Variants in CYP2J2 observed in about 807,000 individuals in gnomAD.
CYP2J2 encodes cytochrome P450 2J2.
In CYP2J2, 41 loss-of-function variants were observed where a neutral mutation model predicts 48.8. The ratio of observed to expected loss-of-function variants is 0.84; its 90% CI spans 0.66 to 1.09. The LOEUF is 1.09. Among genes scored for constraint, CYP2J2 ranks in the 50% least tolerant of loss-of-function variants. CYP2J2 has a pLI of 0.00. For missense variants in CYP2J2, 644 were observed against 617.3 expected, an observed-to-expected ratio of 1.04 and a Z score of -0.46; for synonymous variants, 221 against 227.1, an observed-to-expected ratio of 0.97 and a Z score of 0.24.
intron 8 of CYP2J2, among the ~76,000 whole-genome samples, chr1:59,894,677 G>A (rs1015508538): frequency 6.6e-6 from 1 of 152,202 alleles, no homozygotes; most frequent in Non-Finnish European, 1.5e-5. Context: ...TATATATTGT[G>A]TGAGCTACAT....
At chr1:59,916,206 T>C (rs1277155412) in intron 1 of CYP2J2, 106 bp from the exon 2 acceptor site, 18 of 892,858 alleles carry the variant, frequency 2.0e-5, no homozygotes, top group Non-Finnish European at 2.9e-5. Context: ...AGTGCGTGTG[T>C]CTGTGTCTGT....
chr1:59,934,583 G>C, the CYP2J2 span, among the ~76,000 whole-genome samples: 1 of 152,162 alleles, frequency 6.6e-6, no homozygotes, highest in African/African-American at 2.4e-5. Context: ...ACATACAAGT[G>C]GGTGAACAGG....
the CYP2J2 span, among the ~76,000 whole-genome samples, chr1:59,964,626 C>T: frequency 6.6e-6 from 1 of 152,168 alleles, no homozygotes; most frequent in Non-Finnish European, 1.5e-5. Context: ...GGACAAATGT[C>T]CACTGCAGTC....
chr1:59,941,143 T>A, the CYP2J2 span, among the ~76,000 whole-genome samples: 1 of 152,236 alleles, frequency 6.6e-6, no homozygotes, highest in Non-Finnish European at 1.5e-5. Context: ...TAACACACCT[T>A]TTCCTGATTT....
chr1:59,893,721 C>T lies in CYP2J2; in HGVS notation c.1439G>A (p.Ser480Asn). 6.2e-7 allele frequency: 1 copy of T among 1,613,374 alleles called. No individual in the cohort carries two copies. The highest frequency in any genetic ancestry group is 8.5e-7 in the Non-Finnish European group (1 of 1,179,690). Residue 480 changes from serine (S) to asparagine (N), a missense_variant, in exon 9 of 9, where the codon AGC becomes AAC. Physicochemically the swap from Ser to Asn is conservative, Grantham distance 46 (BLOSUM62 1). Transcript: ENST00000371204. ...GGTGATACCCATTCTAAACTTCAGG[C>T]TCAGCTTCTCATTGTTTGGGGGCCT... ...TFRPPNNEKLSLKFRMGITIS... is the reference protein window; with the variant it reads ...TFRPPNNEKLNLKFRMGITIS...
chr1:59,945,247 G>C, the CYP2J2 span, among the ~76,000 whole-genome samples: 10 of 151,916 alleles, frequency 6.6e-5, no homozygotes, highest in East Asian at 1.4e-3. Context: ...TAATATTTTT[G>C]GCCCATCTGA....
chr1:59,932,154 G>C, the CYP2J2 span, among the ~76,000 whole-genome samples: 1 of 152,060 alleles, frequency 6.6e-6, no homozygotes, highest in Non-Finnish European at 1.5e-5. Flanking sequence ...TGTGTGAAAA[G>C]TATTCTGAGG....
intron 8 of CYP2J2, among the ~76,000 whole-genome samples, chr1:59,899,841 A>G (rs1322930663): frequency 6.6e-6 from 1 of 152,228 alleles, no homozygotes; most frequent in Non-Finnish European, 1.5e-5. Flanking sequence ...ATTCATTGTC[A>G]TATCACCAGG....
At chr1:59,968,709 C>A in the CYP2J2 span, among the ~76,000 whole-genome samples, 1 of 152,184 alleles carries the variant, frequency 6.6e-6, no homozygotes, top group African/African-American at 2.4e-5. Flanking sequence ...GAGGGGGGAC[C>A]AACCAGCACA....
At chr1:59,951,901 T>G in the CYP2J2 span, among the ~76,000 whole-genome samples, 1 of 152,136 alleles carries the variant, frequency 6.6e-6, no homozygotes, top group African/African-American at 2.4e-5. Context: ...GAGCAGCGCT[T>G]TTAATCAAAT....
At chr1:59,925,472 T>C (rs1237055071) in intron 1 of CYP2J2, among the ~76,000 whole-genome samples, 1 of 152,182 alleles carries the variant, frequency 6.6e-6, no homozygotes, top group Non-Finnish European at 1.5e-5. Flanking sequence ...AAATTGTACA[T>C]AGTATGATGT....
At chr1:59,924,269 T>C (rs1360492480) in intron 1 of CYP2J2, among the ~76,000 whole-genome samples, 1 of 152,158 alleles carries the variant, frequency 6.6e-6, no homozygotes, top group African/African-American at 2.4e-5. Flanking sequence ...CTAAGAGAAT[T>C]TCTTGCCAGT....
intron 2 of CYP2J2, among the ~76,000 whole-genome samples, chr1:59,915,206 C>T (rs186710615): frequency 1.5e-4 from 23 of 152,314 alleles, no homozygotes; most frequent in African/African-American, 5.5e-4. Context: ...TGAGGGAAGT[C>T]AGAGACCGGT....
the CYP2J2 span, among the ~76,000 whole-genome samples, chr1:59,947,764 G>T: frequency 6.6e-6 from 1 of 151,992 alleles, no homozygotes; most frequent in Non-Finnish European, 1.5e-5. Context: ...TCCCATCCTT[G>T]GCTCCATCTA....
intron 2 of CYP2J2, among the ~76,000 whole-genome samples, chr1:59,913,784 T>C (rs1440243701): frequency 6.6e-6 from 1 of 152,250 alleles, no homozygotes; most frequent in Non-Finnish European, 1.5e-5. Context: ...ATTCTCTGAA[T>C]GGCAGCCTAA....
At chr1:59,902,941 G>A (rs558624816) in intron 7 of CYP2J2, among the ~76,000 whole-genome samples, 27 of 152,302 alleles carry the variant, frequency 1.8e-4, no homozygotes, top group East Asian at 1.9e-4. Flanking sequence ...GTCATAGCTC[G>A]TAGACTGTGT....
chr1:59,908,106 T>C (rs1230815487), intron 5 of CYP2J2, among the ~76,000 whole-genome samples, 179 bp from the exon 6 acceptor site: 2 of 152,196 alleles, frequency 1.3e-5, no homozygotes, highest in East Asian at 3.8e-4. Flanking sequence ...ATTAGCATTG[T>C]CCTGCCCCAA....
chr1:59,905,524 T>C (rs1337050501), intron 6 of CYP2J2, among the ~76,000 whole-genome samples: 2 of 152,160 alleles, frequency 1.3e-5, no homozygotes, highest in Non-Finnish European at 2.9e-5. Flanking sequence ...TGGGCTGGGG[T>C]GGGCCCAAGT....
chr1:59,898,489 T>C (rs1257785188), intron 8 of CYP2J2, among the ~76,000 whole-genome samples: 1 of 152,242 alleles, frequency 6.6e-6, no homozygotes, highest in African/African-American at 2.4e-5. Flanking sequence ...CACAGCCACA[T>C]ATCTGACTTA....
Sources: allele counts gnomAD v4.1 joint callset (sites outside exome capture counted in the v4.1 genomes callset), GRCh38; gene constraint gnomAD v4.1.1; transcripts MANE v1.5; gene names NCBI Gene and HGNC (gene_info 2026-07-23, HGNC 2026-07-21).